KCNQ1: variants seen among roughly 807,000 people sequenced by gnomAD.
KCNQ1 encodes potassium voltage-gated channel subfamily KQT member 1.
A neutral mutation model predicts 72.4 loss-of-function variants in KCNQ1; 49 were observed. The ratio of observed to expected loss-of-function variants is 0.68; its 90% CI spans 0.54 to 0.86. The LOEUF (loss-of-function observed/expected upper bound fraction) is 0.86, where lower values mean the gene tolerates loss of function less well. Among genes scored for constraint, KCNQ1 ranks in the 40% least tolerant of loss-of-function variants. The probability of loss-of-function intolerance (pLI) is 0.00; values close to 1 mark genes in which losing one functional copy is unlikely to be tolerated. For missense variants in KCNQ1, 790 were observed against 945.1 expected (o/e 0.84, Z 2.15); for synonymous variants, 450 against 412.6 (o/e 1.09, Z -1.10).
rs1442156577 is a variant in KCNQ1, at chr11:2,781,791, G to A, written c.1794+3754G>A. 2.6e-5 allele frequency among the ~76,000 whole-genome samples: 4 copies of A among 152,202 alleles called. No individual in the cohort carries two copies. The highest frequency in any genetic ancestry group is 5.9e-5 in the Non-Finnish European group (4 of 68,038). On this transcript the variant is annotated intron_variant, in intron 15 of 15. Transcript: ENST00000155840. The surrounding 1 kb of genome is among the most constrained non-coding windows in gnomAD (Gnocchi z 6.6). ...TTTCTTCTCTGTTTTTGCCGGAAAT[G>A]TTCATGGCTGAGAGCCGGACACAGG...
chr11:2,578,846 C>T (rs899038020), intron 6 of KCNQ1, among the ~76,000 whole-genome samples: 4 of 152,236 alleles, frequency 2.6e-5, no homozygotes, highest in Admixed American at 6.5e-5. Context: ...GTGGCCACAG[C>T]GGGGAACGTG....
rs1464098586 is a variant in KCNQ1 at position 2,657,860 on chromosome 11, G to A, written c.1394-4101G>A. 3 of 398,490 alleles carry A rather than the reference G, an allele frequency of 7.5e-6. No homozygotes were observed. Among genetic ancestry groups the A allele is most frequent in the South Asian group, 1.3e-4 (1 of 7,858 alleles). The allele number at this position is 398,490 out of a possible 1,614,324, so 24.7% of individuals were successfully genotyped here. On this transcript the variant is annotated intron_variant, in intron 10 of 15. Coordinates refer to ENST00000155840, the MANE Select transcript of KCNQ1 (RefSeq NM_000218.3). This position sits in a 1 kb window ranked among gnomAD's most constrained non-coding sequence, Gnocchi z 4.8. ...TCTCAGGACTAGACCAGGGTTATAG[G>A]TTTAGGGGAAGGAGGCCAGTGAGGT...
At position 2,723,395 on chromosome 11, in the gene KCNQ1, TG is replaced by T. The variant is rs1388557526; in HGVS notation, c.1515-45446del. On this transcript the variant is annotated intron_variant, in intron 11 of 15. Coordinates refer to ENST00000155840, the MANE Select transcript of KCNQ1 (RefSeq NM_000218.3). This position sits in a 1 kb window ranked among gnomAD's most constrained non-coding sequence, Gnocchi z 4.2. ...AGCCTTGGTGTCCCCATCTGTAAAG[TG>T]GGATGTGACAATACCCTTCTTGCTG... is the stretch of plus-strand genomic sequence containing the variant. Among the ~76,000 whole-genome samples the T allele has an allele frequency of 1.3e-5, 2 of 152,186 alleles. No homozygotes were observed. The highest frequency in any genetic ancestry group is 2.9e-5 in the Non-Finnish European group (2 of 68,020).
chr11:2,697,603 AT>A, intron 11 of KCNQ1: 2 of 398,292 alleles, frequency 5.0e-6, no homozygotes, highest in African/African-American at 4.1e-5. Context: ...TTATCACATC[AT>A]TTTTTTCTGC....
At chr11:2,833,730 G>A (rs1231571193) in intron 15 of KCNQ1, among the ~76,000 whole-genome samples, 1 of 152,254 alleles carries the variant, frequency 6.6e-6, no homozygotes, top group Admixed American at 6.5e-5. Context: ...AGTCCACTGG[G>A]CCCAGCAGCA....
Position 2,657,787 on chromosome 11 carries a change from A to G in KCNQ1, c.1394-4174A>G, listed in dbSNP as rs1244380259. On this transcript the variant is annotated intron_variant, in intron 10 of 15. Coordinates refer to ENST00000155840, the MANE Select transcript of KCNQ1 (RefSeq NM_000218.3). The surrounding 1 kb of genome is among the most constrained non-coding windows in gnomAD (Gnocchi z 4.8). ...TTCATTAACTTGACACTTTTGAAGAATACCAGTCAGGTGTCATTGTCCCTC... is the reference window on the plus strand; with the variant it reads ...TTCATTAACTTGACACTTTTGAAGAGTACCAGTCAGGTGTCATTGTCCCTC... 3 of 398,520 alleles carry G rather than the reference A, an allele frequency of 7.5e-6. No homozygotes were observed. The highest frequency in any genetic ancestry group is 1.3e-5 in the Non-Finnish European group (3 of 226,086). The allele number at this position is 398,520 out of a possible 1,614,324, so 24.7% of individuals were successfully genotyped here.
intron 10 of KCNQ1, among the ~76,000 whole-genome samples, chr11:2,605,543 A>G (rs1455838667): frequency 6.6e-6 from 1 of 152,204 alleles, no homozygotes; most frequent in African/African-American, 2.4e-5. Flanking sequence ...TCAAAAGACT[A>G]TTCTTTCCGC....
rs544052314 is a variant in KCNQ1, at chr11:2,489,704, C to T, written c.387-38224C>T. 2.8e-4 allele frequency among the ~76,000 whole-genome samples: 43 copies of T among 152,298 alleles called. 1 individual carries two copies. Among genetic ancestry groups the T allele is most frequent in the Non-Finnish European group, 2.1e-4 (14 of 68,018 alleles). On this transcript the variant is annotated intron_variant, in intron 1 of 15. Transcript: ENST00000155840. ...CCAGCTCAACCACAGTAGGAGAGGA[C>T]ACTGGGCAGAGTCAATGGGCACACA...
At chr11:2,812,438 T>TTTGCA (rs1847508495) in intron 15 of KCNQ1, among the ~76,000 whole-genome samples, 2 of 152,136 alleles carry the variant, frequency 1.3e-5, no homozygotes, top group Non-Finnish European at 2.9e-5. Flanking sequence ...GGGGGACACA[T>TTTGCA]TTGCATCACA....
intron 15 of KCNQ1, among the ~76,000 whole-genome samples, chr11:2,806,029 T>C (rs80036663): frequency 0.012 from 1,876 of 152,294 alleles, 28 homozygotes; most frequent in African/African-American, 0.042. Flanking sequence ...GGGACAATTA[T>C]GCAGCTTTCA....
intron 15 of KCNQ1, among the ~76,000 whole-genome samples, chr11:2,812,432 G>C (rs879854918): frequency 6.6e-6 from 1 of 152,132 alleles, no homozygotes; most frequent in Non-Finnish European, 1.5e-5. Flanking sequence ...AATGATGGGG[G>C]ACACATTTGC....
rs1337409061 is a variant in KCNQ1, at chr11:2,445,385, C to G, written c.287C>G (p.Thr96Arg). Residue 96 changes from threonine to arginine, a missense_variant, in exon 1 of 16, where the codon ACG becomes AGG. Transcript: ENST00000155840. ...GACCCGCGCGTCTCCATCTACAGCA[C>G]GCGCCGCCCGGTGTTGGCGCGCACC... ...SLDPRVSIYS[T>R]RRPVLARTHV... is the part of the protein sequence containing the mutation. 2.1e-5 allele frequency: 33 copies of G among 1,597,702 alleles called. No individual in the cohort carries two copies. Among genetic ancestry groups the G allele is most frequent in the Non-Finnish European group, 2.7e-5 (32 of 1,179,608 alleles).
At chr11:2,580,805 G>C (rs1296138264) in intron 6 of KCNQ1, among the ~76,000 whole-genome samples, 1 of 152,208 alleles carries the variant, frequency 6.6e-6, no homozygotes, top group Non-Finnish European at 1.5e-5. Flanking sequence ...TTGTCCTCCC[G>C]GACCCAGTGC....
At position 2,645,680 on chromosome 11, in the gene KCNQ1, G is replaced by A; in HGVS notation, c.1394-16281G>A. Reference sequence around the variant, plus strand: ...TAGCAGAGTATTGCCAATGGCTCATGCTTTGGCCTGGAGGGAGCAGTCAGG... The same window carrying A: ...TAGCAGAGTATTGCCAATGGCTCATACTTTGGCCTGGAGGGAGCAGTCAGG... On this transcript the variant is annotated intron_variant, in intron 10 of 15. Transcript: ENST00000155840. This position sits in a 1 kb window ranked among gnomAD's most constrained non-coding sequence, Gnocchi z 5.8. The A allele has an allele frequency of 2.5e-6, 1 of 398,764 alleles. No individual in the cohort carries two copies. Among genetic ancestry groups the A allele is most frequent in the Admixed American group, 4.4e-5 (1 of 22,740 alleles). 24.7% of individuals were successfully genotyped at this position (398,764 alleles called of 1,614,324 possible).
rs998384727 is a variant in KCNQ1, at chr11:2,601,412, T to C, written c.1393+12558T>C. ...ATTCATATGCAGTGGTAAGAAATAATAGGGATCCCATGCACCCTTTAGTTA... is the reference window on the plus strand; with the variant it reads ...ATTCATATGCAGTGGTAAGAAATAACAGGGATCCCATGCACCCTTTAGTTA... On this transcript the variant is annotated intron_variant, in intron 10 of 15. Coordinates refer to ENST00000155840, the MANE Select transcript of KCNQ1 (RefSeq NM_000218.3). The surrounding 1 kb of genome is among the most constrained non-coding windows in gnomAD (Gnocchi z 5.2). Among the ~76,000 whole-genome samples the C allele has an allele frequency of 6.6e-6, 1 of 152,196 alleles. No individual in the cohort carries two copies. Among genetic ancestry groups the C allele is most frequent in the Non-Finnish European group, 1.5e-5 (1 of 68,038 alleles).
chr11:2,527,896 G>C (rs199627878), intron 1 of KCNQ1, 32 bp from the exon 2 acceptor site: 9 of 1,594,976 alleles, frequency 5.6e-6, no homozygotes, highest in Non-Finnish European at 6.0e-6. Flanking sequence ...GGCAGAGGCC[G>C]TGATGCTGAC....
In KCNQ1 at chr11:2,661,426, A is replaced by G. The variant is rs572493564; in HGVS notation, c.1394-535A>G. The G allele has an allele frequency of 1.9e-5, 8 of 423,502 alleles. No homozygotes were observed. The Admixed American group carries it at 1.9e-4, about 10-fold the overall frequency. The allele number at this position is 423,502 out of a possible 1,614,324, so 26.2% of individuals were successfully genotyped here. On this transcript the variant is annotated intron_variant, in intron 10 of 15. Coordinates refer to ENST00000155840, the MANE Select transcript of KCNQ1 (RefSeq NM_000218.3). This position sits in a 1 kb window ranked among gnomAD's most constrained non-coding sequence, Gnocchi z 5.9. ...ACTCCTGTGCCTCATTGGGGGTACA[A>G]CTGGTTGATGTAGCATCGTGTTTTG...
At position 2,750,341 on chromosome 11, in the gene KCNQ1, G is replaced by T. The variant is rs1846208940; in HGVS notation, c.1515-18503G>T. Among the ~76,000 whole-genome samples, 2 of 152,214 alleles carry T rather than the reference G, an allele frequency of 1.3e-5. No homozygotes were observed. The highest frequency in any genetic ancestry group is 4.8e-5 in the African/African-American group (2 of 41,448). ...GCTTGTGGCTGGCCTGGCCTAACCA[G>T]TTGGGGGAATCCATGGGAGGCTTTA... On this transcript the variant is annotated intron_variant, in intron 11 of 15. Transcript: ENST00000155840. This position sits in a 1 kb window ranked among gnomAD's most constrained non-coding sequence, Gnocchi z 6.3.
chr11:2,811,683 A>C (rs1330003784), intron 15 of KCNQ1, among the ~76,000 whole-genome samples: 1 of 152,174 alleles, frequency 6.6e-6, no homozygotes, highest in Non-Finnish European at 1.5e-5. Flanking sequence ...CGCGCAGCAC[A>C]AGGGTCAGCA....
Sources: gnomAD v4.1 joint callset for allele counts (sites outside exome capture counted in the v4.1 genomes callset) on GRCh38, gnomAD v4.1.1 for gene constraint, Gnocchi (gnomAD v3.1) non-coding constraint, MANE v1.5 for transcripts, NCBI Gene and HGNC (gene_info 2026-07-23, HGNC 2026-07-21) for gene names.